LINGO2: variants seen among roughly 807,000 people sequenced by gnomAD.
LINGO2 encodes the protein leucine rich repeat and Ig domain containing 2, also known as leucine-rich repeat and immunoglobulin-like domain-containing nogo receptor-interacting protein 2.
In LINGO2, 14 loss-of-function variants were observed where a neutral mutation model predicts 30.6. The ratio of observed to expected loss-of-function variants is 0.46; its 90% confidence interval spans 0.30 to 0.72. The LOEUF is 0.72. Ranked by LOEUF, LINGO2 falls within the 30% of genes least tolerant of loss-of-function variation. The pLI is 0.07. For synonymous variants in LINGO2, 317 were observed against 288.5 expected (o/e 1.10, Z -1.00); for missense variants, 729 against 751.7 (o/e 0.97, Z 0.35).
At chr9:28,875,053 A>G in the LINGO2 span, among the ~76,000 whole-genome samples, 7 of 152,070 alleles carry the variant, frequency 4.6e-5, no homozygotes, top group South Asian at 2.1e-4. Flanking sequence ...CTGATTTGAC[A>G]CAGCTTGGCC....
intron 2 of LINGO2, among the ~76,000 whole-genome samples, chr9:28,374,136 G>A (rs573279628): frequency 1.3e-5 from 2 of 151,226 alleles, no homozygotes; most frequent in Admixed American, 6.6e-5. Flanking sequence ...GCACCACGAC[G>A]TGAAGGCCTA....
chr9:28,947,843 G>A, the LINGO2 span, among the ~76,000 whole-genome samples: 1 of 151,824 alleles, frequency 6.6e-6, no homozygotes. Flanking sequence ...TTTCAACATG[G>A]ATGCTCCAAC....
At chr9:28,660,251 T>A (rs952221071) in intron 1 of LINGO2, among the ~76,000 whole-genome samples, 1 of 152,108 alleles carries the variant, frequency 6.6e-6, no homozygotes, top group East Asian at 1.9e-4. Context: ...AAAATATGGT[T>A]ATTAATTTTA....
the LINGO2 span, chr9:27,941,765 A>T: frequency 6.6e-5 from 10 of 151,982 alleles, no homozygotes; most frequent in Non-Finnish European, 1.2e-4. Context: ...GAGTTTAAAA[A>T]TTTTCAATTC....
the LINGO2 span, among the ~76,000 whole-genome samples, chr9:28,736,549 G>A: frequency 6.6e-6 from 1 of 152,124 alleles, no homozygotes; most frequent in Non-Finnish European, 1.5e-5. Flanking sequence ...CCAGTACTTT[G>A]GGAGGTCGAG....
At chr9:28,073,417 C>T (rs1587811505) in intron 4 of LINGO2, among the ~76,000 whole-genome samples, 1 of 152,046 alleles carries the variant, frequency 6.6e-6, no homozygotes, top group South Asian at 2.1e-4. Flanking sequence ...ATAGTTAAAA[C>T]AAAAACAAAA....
chr9:28,196,780 T>A (rs556995167), intron 4 of LINGO2, among the ~76,000 whole-genome samples: 4 of 151,946 alleles, frequency 2.6e-5, no homozygotes, highest in Non-Finnish European at 5.9e-5. Flanking sequence ...AATGTTATGT[T>A]AAACAAAATA....
chr9:29,115,799 T>A, the LINGO2 span, among the ~76,000 whole-genome samples: 1 of 151,986 alleles, frequency 6.6e-6, no homozygotes, highest in African/African-American at 2.4e-5. Flanking sequence ...GAAACACACA[T>A]CACATTTTCA....
the LINGO2 span, among the ~76,000 whole-genome samples, chr9:29,206,081 A>G: frequency 6.6e-6 from 1 of 152,088 alleles, no homozygotes; most frequent in Non-Finnish European, 1.5e-5. Flanking sequence ...ACTGATGAAC[A>G]TTTTCCATAG....
At chr9:29,213,585 G>C in the LINGO2 span, among the ~76,000 whole-genome samples, 240 of 152,034 alleles carry the variant, frequency 1.6e-3, 1 homozygote, top group African/African-American at 5.5e-3. Flanking sequence ...CTCAGAGCTC[G>C]GGCTGCGCAC....
chr9:28,218,044 A>C (rs773673700), intron 4 of LINGO2, among the ~76,000 whole-genome samples: 1 of 151,036 alleles, frequency 6.6e-6, no homozygotes, highest in Non-Finnish European at 1.5e-5. Context: ...ACAGAGATGA[A>C]GATCAAGTTA....
the LINGO2 span, among the ~76,000 whole-genome samples, chr9:28,753,864 G>A: frequency 6.6e-6 from 1 of 152,078 alleles, no homozygotes; most frequent in Non-Finnish European, 1.5e-5. Context: ...CGTATGTAAA[G>A]CACCTAGCAC....
intron 2 of LINGO2, among the ~76,000 whole-genome samples, chr9:28,431,029 T>TGA (rs57751993): frequency 0.065 from 8,391 of 129,050 alleles, 422 homozygotes; most frequent in East Asian, 0.2. Flanking sequence ...GCATGAGTGA[T>TGA]GAGAGAGAGA....
intron 1 of LINGO2, among the ~76,000 whole-genome samples, chr9:28,655,563 T>C (rs1371308954): frequency 6.6e-6 from 1 of 152,058 alleles, no homozygotes; most frequent in Non-Finnish European, 1.5e-5. Context: ...TTAGATTTTG[T>C]ATCCTCACCC....
chr9:28,065,243 A>G (rs1825277907), intron 4 of LINGO2, among the ~76,000 whole-genome samples: 1 of 151,968 alleles, frequency 6.6e-6, no homozygotes, highest in African/African-American at 2.4e-5. Context: ...AATTTTTATA[A>G]CCACATTTTT....
intron 4 of LINGO2, among the ~76,000 whole-genome samples, chr9:28,119,486 G>T (rs1202964019): frequency 6.6e-6 from 1 of 152,128 alleles, no homozygotes; most frequent in Non-Finnish European, 1.5e-5. Context: ...TCTTTAAAAT[G>T]GGCACAATAA....
At chr9:29,072,042 A>G in the LINGO2 span, among the ~76,000 whole-genome samples, 71,854 of 151,872 alleles carry the variant, frequency 0.47, 17,834 homozygotes, top group African/African-American at 0.63. Flanking sequence ...ATGGATTCTG[A>G]AGCCATAGTG....
chr9:28,777,373 T>G, the LINGO2 span, among the ~76,000 whole-genome samples: 1 of 152,174 alleles, frequency 6.6e-6, no homozygotes, highest in Non-Finnish European at 1.5e-5. Flanking sequence ...GGTCCTATTT[T>G]AAGATACTCA....
chr9:29,178,047 T>TTTTA, the LINGO2 span, among the ~76,000 whole-genome samples: 12 of 151,852 alleles, frequency 7.9e-5, no homozygotes, highest in South Asian at 2.1e-4. Context: ...AATACTTTTA[T>TTTTA]TTTATTTATT....
Sources: allele counts gnomAD v4.1 joint callset (sites outside exome capture counted in the v4.1 genomes callset), GRCh38; gene constraint gnomAD v4.1.1; transcripts MANE v1.5; gene names NCBI Gene and HGNC (gene_info 2026-07-23, HGNC 2026-07-21).